Variants in ANKRD65 observed in about 807,000 individuals in gnomAD.
ANKRD65 encodes the protein ankyrin repeat domain-containing protein 65.
A neutral mutation model predicts 17.2 loss-of-function variants in ANKRD65; 26 were observed. The observed-to-expected ratio is 1.51, with a 90% confidence interval of 1.11 to 2.09. ANKRD65 has a LOEUF of 2.09. Among genes scored for constraint, ANKRD65 ranks in the 30% most tolerant of loss-of-function variants. The pLI is 0.00. For synonymous variants in ANKRD65, 311 were observed against 272.2 expected (o/e 1.14, Z -1.40); for missense variants, 621 against 542.2 (o/e 1.15, Z -1.44).
rs1231050114 is a variant in ANKRD65, at chr1:1,420,199, C to T, written c.603G>A (p.Ala201=). 1.0e-6 allele frequency: 1 copy of T among 1,000,198 alleles called. No individual in the cohort carries two copies. Among genetic ancestry groups the T allele is most frequent in the Non-Finnish European group, 1.2e-6 (1 of 841,640 alleles). 62.0% of individuals were successfully genotyped at this position (1,000,198 alleles called of 1,614,324 possible). A position where few individuals can be genotyped will look rare whatever the true frequency, so the allele number is the denominator to read the frequency against. The stretch of plus-strand genomic sequence containing the variant: ...CCACGAGCAGGGCGCCGTCCAGGCC[C>T]GCGCCGCCGGCCGCCAGCAGCTCCA... ...AVLELLAAGG[A]GLDGALLVAA... is the part of the protein sequence containing the mutation. The change falls in exon 3 of 4, where the codon GCG becomes GCA. Residue 201 remains alanine, a synonymous_variant. Coordinates refer to ENST00000537107, the MANE Select transcript of ANKRD65 (RefSeq NM_001145210.3).
chr1:1,419,479 T>G lies in ANKRD65; in HGVS notation c.821A>C (p.His274Pro). The G allele has an allele frequency of 1.3e-6, 2 of 1,547,354 alleles. No individual in the cohort carries two copies. The highest frequency in any genetic ancestry group is 1.7e-6 in the Non-Finnish European group (2 of 1,146,798). ...IRDRHGRSAL[H>P]RAAARGHLLA... is the part of the protein sequence containing the mutation. ...CAGGTGTCCTCGGGCGGCAGCCCTG[T>G]GCAGCGCAGAGCGGCCATGCCTGTC... Residue 274 changes from histidine to proline, a missense_variant, in exon 4 of 4, where the codon CAC (histidine) becomes CCC (proline). By Grantham distance (77) the His-to-Pro change is moderately conservative. Transcript: ENST00000537107.
intron 2 of ANKRD65, 41 bp downstream of exon 2, chr1:1,420,755 CA>C (rs1183696007): frequency 6.6e-7 from 1 of 1,515,094 alleles, no homozygotes; most frequent in African/African-American, 1.4e-5. Flanking sequence ...CATCCTGCCC[CA>C]CCCAGAGAAG....
intron 1 of ANKRD65, 23 bp from the exon 2 acceptor site, chr1:1,421,028 C>T (rs1557760579): frequency 1.9e-6 from 3 of 1,549,560 alleles, no homozygotes; most frequent in Non-Finnish European, 2.6e-6. Context: ...AGGGATCCTA[C>T]ATCCACTGTG....
chr1:1,419,134 T>C lies in ANKRD65; in HGVS notation c.1166A>G (p.Glu389Gly). ...PQALPELGGG[E>G]KECEGIESTG The stretch of plus-strand genomic sequence containing the variant: ...GGACTCTATGCCCTCACACTCCTTC[T>C]CCCCCCCTCCAAGTTCAGGCAGCGC... Residue 389 changes from glutamate (E) to glycine (G), a missense_variant, in exon 4 of 4, where the codon GAG (glutamate) becomes GGG (glycine). Transcript: ENST00000537107. 1 of 1,530,280 alleles carries C rather than the reference T, an allele frequency of 6.5e-7. No individual in the cohort carries two copies. Among genetic ancestry groups the C allele is most frequent in the Non-Finnish European group, 8.8e-7 (1 of 1,133,548 alleles). 94.8% of individuals were successfully genotyped at this position (1,530,280 alleles called of 1,614,324 possible).
rs755685561 is a variant in ANKRD65, at chr1:1,419,383, AG to A, written c.916del (p.Leu306CysfsTer50). 24 of 1,549,924 alleles carry A rather than the reference AG, an allele frequency of 1.5e-5. No individual in the cohort carries two copies. The Middle Eastern group carries it at 5.0e-4, about 32-fold the overall frequency. On this transcript the variant is annotated frameshift_variant, in exon 4 of 4. Coordinates refer to ENST00000537107, the MANE Select transcript of ANKRD65 (RefSeq NM_001145210.3). LOFTEE classifies it low-confidence loss of function (END_TRUNC). The stretch of plus-strand genomic sequence containing the variant: ...GTGGCCTTCCCGAGAGGCGTGATGC[AG>A]GGGTGTGAGGCCCAGGGTGTCCCGC... ...DARDTLGLTPLHHASREGHVE... is the reference protein window; with the variant it reads ...DARDTLGLTPXHHASREGHVE...
intron 3 of ANKRD65, 105 bp downstream of exon 3, chr1:1,419,947 T>A: frequency 8.7e-7 from 1 of 1,148,202 alleles, no homozygotes; most frequent in Non-Finnish European, 1.1e-6. Context: ...CCTTCGTGCC[T>A]GGACACCGTC....
Position 1,419,587 on chromosome 1 carries a change from C to T in ANKRD65, c.751-38G>A, listed in dbSNP as rs766741813. On this transcript the variant is annotated intron_variant, in intron 3 of 3. Coordinates refer to ENST00000537107, the MANE Select transcript of ANKRD65 (RefSeq NM_001145210.3). ...AGAAAAGCAGGGGCCGGCCTCAGCCCGGTAGGCGAGGGGCAGAGCCACCAG... is the reference window on the plus strand; with the variant it reads ...AGAAAAGCAGGGGCCGGCCTCAGCCTGGTAGGCGAGGGGCAGAGCCACCAG... The T allele has an allele frequency of 1.2e-3, 1,778 of 1,481,166 alleles. No homozygotes were observed. Among genetic ancestry groups the T allele is most frequent in the Non-Finnish European group, 1.5e-3 (1,647 of 1,114,734 alleles). The allele number at this position is 1,481,166 out of a possible 1,614,324, so 91.8% of individuals were successfully genotyped here. A position where few individuals can be genotyped will look rare whatever the true frequency, so the allele number is the denominator to read the frequency against.
chr1:1,421,029 A>G, intron 1 of ANKRD65, 24 bp from the exon 2 acceptor site: 1 of 1,549,076 alleles, frequency 6.5e-7, no homozygotes, highest in Non-Finnish European at 8.7e-7. Flanking sequence ...GGGATCCTAC[A>G]TCCACTGTGG....
rs547066545 is a variant in ANKRD65 at position 1,419,238 on chromosome 1, C to T, written c.1062G>A (p.Leu354=). 18 of 1,550,356 alleles carry T rather than the reference C, an allele frequency of 1.2e-5. No individual in the cohort carries two copies. The East Asian group carries it at 3.7e-4, about 32-fold the overall frequency. The change falls in exon 4 of 4, where the codon CTG becomes CTA. Residue 354 remains leucine, a synonymous_variant. Transcript: ENST00000537107. ...GAGTGGGGCTGGCCCCTCGGCTCAG[C>T]AGAAGCCCCACGGTAGGCCCATGCC... The part of the protein sequence containing the change: ...ERGHGPTVGL[L]LSRGASPTLR...
At chr1:1,419,626 C>T in intron 3 of ANKRD65, 77 bp from the exon 4 acceptor site, 1 of 1,344,892 alleles carries the variant, frequency 7.4e-7, no homozygotes, top group Middle Eastern at 2.3e-4. Flanking sequence ...TTTGCCCAGC[C>T]CAGGCCTCTT....
At position 1,419,218 on chromosome 1, in the gene ANKRD65, G is replaced by GGGCT; in HGVS notation, c.1078_1081dup (p.Pro361GlnfsTer16). 6.5e-7 allele frequency: 1 copy of GGGCT among 1,550,146 alleles called. No individual in the cohort carries two copies. Among genetic ancestry groups the GGGCT allele is most frequent in the Non-Finnish European group, 8.7e-7 (1 of 1,146,778 alleles). On this transcript the variant is annotated frameshift_variant, in exon 4 of 4. Coordinates refer to ENST00000537107, the MANE Select transcript of ANKRD65 (RefSeq NM_001145210.3). LOFTEE classifies it low-confidence loss of function (END_TRUNC). ...CTCGGCCCACTGCGTCCGCAGAGTGGGGCTGGCCCCTCGGCTCAGCAGAAG... is the reference window on the plus strand; with the variant it reads ...CTCGGCCCACTGCGTCCGCAGAGTGGGGCTGGCTGGCCCCTCGGCTCAGCAGAAG...
rs530596627 is a variant in ANKRD65 at position 1,419,073 on chromosome 1, G to A, written c.*27C>T. On this transcript the variant is annotated 3_prime_UTR_variant, in exon 4 of 4. Transcript: ENST00000537107. ...CAGAGAGCCTGGAAATCACTGGGGC[G>A]GTGGAGCCTGGAGCCTGCTGTCTGG... is the stretch of plus-strand genomic sequence containing the variant. The A allele has an allele frequency of 2.2e-5, 32 of 1,462,492 alleles. No individual in the cohort carries two copies. The highest frequency in any genetic ancestry group is 5.0e-5 in the Admixed American group (2 of 40,130). 90.6% of individuals were successfully genotyped at this position (1,462,492 alleles called of 1,614,324 possible).
Position 1,420,229 on chromosome 1 carries a change from C to T in ANKRD65, c.573G>A (p.Ala191=). 4.0e-6 allele frequency: 4 copies of T among 990,658 alleles called. No individual in the cohort carries two copies. Among genetic ancestry groups the T allele is most frequent in the Non-Finnish European group, 3.6e-6 (3 of 835,128 alleles). 61.4% of individuals were successfully genotyped at this position (990,658 alleles called of 1,614,324 possible). ...AHWAAAGGRL[A]VLELLAAGGA... ...CGCCGGCCGCCAGCAGCTCCAGCAC[C>T]GCCAGCCGCCCGCCCGCGGCCGCCC... Residue 191 remains alanine (A), a synonymous_variant, in exon 3 of 4, where the codon GCG becomes GCA. Coordinates refer to ENST00000537107, the MANE Select transcript of ANKRD65 (RefSeq NM_001145210.3).
At position 1,419,094 on chromosome 1, in the gene ANKRD65, T is replaced by C; in HGVS notation, c.*6A>G. On this transcript the variant is annotated 3_prime_UTR_variant, in exon 4 of 4. Transcript: ENST00000537107. The stretch of plus-strand genomic sequence containing the variant: ...GGGCGGTGGAGCCTGGAGCCTGCTG[T>C]CTGGCTCAGCCCGTGGACTCTATGC... 6.8e-7 allele frequency: 1 copy of C among 1,480,884 alleles called. No individual in the cohort carries two copies. The highest frequency in any genetic ancestry group is 9.0e-7 in the Non-Finnish European group (1 of 1,107,534). 91.7% of individuals were successfully genotyped at this position (1,480,884 alleles called of 1,614,324 possible). A position where few individuals can be genotyped will look rare whatever the true frequency, so the allele number is the denominator to read the frequency against.
rs1473715650 is a variant in ANKRD65, at chr1:1,420,174, C to T, written c.628G>A (p.Ala210Thr). The change falls in exon 3 of 4, where the codon GCT (alanine) becomes ACT (threonine). Residue 210 changes from alanine to threonine, a missense_variant. By Grantham distance (58) the Ala-to-Thr change is moderately conservative (BLOSUM62 0). Transcript: ENST00000537107. ...GCCGCCCCGCGCCCCGCAGCGGCAG[C>T]CACGAGCAGGGCGCCGTCCAGGCCC... ...GAGLDGALLV[A>T]AAAGRGAALR... 9.1e-7 allele frequency: 1 copy of T among 1,095,268 alleles called. No individual in the cohort carries two copies. Among genetic ancestry groups the T allele is most frequent in the Non-Finnish European group, 1.1e-6 (1 of 903,366 alleles). The allele number at this position is 1,095,268 out of a possible 1,614,324, so 67.8% of individuals were successfully genotyped here. A position where few individuals can be genotyped will look rare whatever the true frequency, so the allele number is the denominator to read the frequency against.
In ANKRD65 at chr1:1,419,156, G is replaced by T; in HGVS notation, c.1144C>A (p.Leu382Met). 1 of 1,539,984 alleles carries T rather than the reference G, an allele frequency of 6.5e-7. No individual in the cohort carries two copies. Among genetic ancestry groups the T allele is most frequent in the Non-Finnish European group, 8.8e-7 (1 of 1,138,868 alleles). ...QMPEGDLPQA[L>M]PELGGGEKEC... ...TTCTCCCCCCCTCCAAGTTCAGGCA[G>T]CGCCTGGGGCAGGTCCCCCTCAGGC... Residue 382 changes from leucine (L) to methionine (M), a missense_variant, in exon 4 of 4, where the codon CTG becomes ATG. Transcript: ENST00000537107.
chr1:1,419,290 G>T lies in ANKRD65; in HGVS notation c.1010C>A (p.Thr337Asn). 6.4e-7 allele frequency: 1 copy of T among 1,550,404 alleles called. No individual in the cohort carries two copies. Among genetic ancestry groups the T allele is most frequent in the African/African-American group, 1.4e-5 (1 of 73,172 alleles). ...TCGCTCTGCAGCCAGGTGTAGGGGGGTCTTTCGGAGCCAGCCGGTAGCATC... is the reference window on the plus strand; with the variant it reads ...TCGCTCTGCAGCCAGGTGTAGGGGGTTCTTTCGGAGCCAGCCGGTAGCATC... ...QVDATGWLRK[T>N]PLHLAAERGH... Residue 337 changes from threonine to asparagine, a missense_variant, in exon 4 of 4, where the codon ACC becomes AAC. By Grantham distance (65) the Thr-to-Asn change is moderately conservative. Coordinates refer to ENST00000537107, the MANE Select transcript of ANKRD65 (RefSeq NM_001145210.3).
rs367550901 is a variant in ANKRD65 at position 1,420,931 on chromosome 1, G to A, written c.75C>T (p.Ser25=). 1,362 of 1,550,730 alleles carry A rather than the reference G, an allele frequency of 8.8e-4. 11 individuals are homozygous for A. The African/African-American group carries it at 0.017, about 19-fold the overall frequency. ...CTGTCCTGGTTCCCAGGGCCTCTTC[G>A]GAGTCCAGCTCCATCCACCGCAGTT... ...EQELRWMELD[S]EEALGTRTEG... The change falls in exon 2 of 4, where the codon TCC becomes TCT. Residue 25 remains serine, a synonymous_variant. Transcript: ENST00000537107.
chr1:1,419,272 G>C lies in ANKRD65; in HGVS notation c.1028C>G (p.Ala343Gly). The C allele has an allele frequency of 6.4e-7, 1 of 1,550,402 alleles. No homozygotes were observed. Residue 343 changes from alanine (A) to glycine (G), a missense_variant, in exon 4 of 4, where the codon GCA (alanine) becomes GGA (glycine). Ala to Gly is a moderately conservative substitution (Grantham distance 60). Transcript: ENST00000537107. ...CACGGTAGGCCCATGCCCTCGCTCTGCAGCCAGGTGTAGGGGGGTCTTTCG... is the reference window on the plus strand; with the variant it reads ...CACGGTAGGCCCATGCCCTCGCTCTCCAGCCAGGTGTAGGGGGGTCTTTCG... Reference protein sequence around the residue: ...WLRKTPLHLAAERGHGPTVGL... With the variant: ...WLRKTPLHLAGERGHGPTVGL...
Sources: gnomAD v4.1 joint callset for allele counts on GRCh38, gnomAD v4.1.1 for gene constraint, MANE v1.5 for transcripts, NCBI Gene and HGNC (gene_info 2026-07-23, HGNC 2026-07-21) for gene names.